ANO2: variants seen among roughly 807,000 people sequenced by gnomAD.
ANO2 encodes the protein anoctamin 2.
In ANO2, 101 loss-of-function variants were observed where a neutral mutation model predicts 124.2. The ratio of observed to expected loss-of-function variants is 0.81; its 90% CI spans 0.69 to 0.96. The LOEUF is 0.96. Ranked by LOEUF, ANO2 falls within the 40% of genes least tolerant of loss-of-function variation. The pLI is 0.00. For missense variants in ANO2, 1,293 were observed against 1,274.5 expected (o/e 1.01, Z -0.22); for synonymous variants, 486 against 482.5 (o/e 1.01, Z -0.09).
chr12:5,808,277 T>C (rs1165200920), intron 7 of ANO2, among the ~76,000 whole-genome samples: 1 of 152,238 alleles, frequency 6.6e-6, no homozygotes, highest in African/African-American at 2.4e-5. Flanking sequence ...AAATGTGAAA[T>C]GAACAAATGG....
At chr12:5,841,895 G>T in intron 4 of ANO2, among the ~76,000 whole-genome samples, 1 of 151,826 alleles carries the variant, frequency 6.6e-6, no homozygotes, top group Non-Finnish European at 1.5e-5. Flanking sequence ...TTTGAGACAA[G>T]ATCTCACTCT....
intron 1 of ANO2, among the ~76,000 whole-genome samples, chr12:5,933,461 G>A (rs1259211511): frequency 6.6e-6 from 1 of 152,220 alleles, no homozygotes; most frequent in Non-Finnish European, 1.5e-5. Context: ...GCTGTAGTGA[G>A]GATAAATGAG....
chr12:5,578,455 A>AG lies in ANO2; in HGVS notation c.2296dup (p.Leu766ProfsTer7), dbSNP rs777856058. On this transcript the variant is annotated frameshift_variant, in exon 21 of 25. Coordinates refer to ENST00000682330, the MANE Select transcript of ANO2 (RefSeq NM_001364791.2). LOFTEE classifies it high-confidence loss of function. ...CCGCACTTCAATGACGTTGTTGAGG[A>AG]GGGCAAACACAGGTGCCAGGGGAAA... The AG allele has an allele frequency of 1.1e-4, 184 of 1,613,854 alleles. No individual in the cohort carries two copies. The highest frequency in any genetic ancestry group is 1.4e-4 in the Non-Finnish European group (166 of 1,179,890).
chr12:5,796,297 G>A (rs968871688), intron 10 of ANO2, among the ~76,000 whole-genome samples: 8 of 143,674 alleles, frequency 5.6e-5, no homozygotes, highest in Admixed American at 4.2e-4. Context: ...TCATTCACAC[G>A]CTCATACACA....
intron 14 of ANO2, among the ~76,000 whole-genome samples, chr12:5,726,400 C>A (rs1485308738): frequency 6.6e-6 from 1 of 152,200 alleles, no homozygotes; most frequent in Non-Finnish European, 1.5e-5. Context: ...ACAGTCCTTT[C>A]TGCCTTTAGT....
At chr12:5,850,430 A>AAAAG (rs1565721318) in intron 4 of ANO2, among the ~76,000 whole-genome samples, 19 of 149,258 alleles carry the variant, frequency 1.3e-4, no homozygotes, top group African/African-American at 4.0e-4. Context: ...AAAAAAAAAA[A>AAAAG]AAAGAAAGAA....
intron 23 of ANO2, among the ~76,000 whole-genome samples, chr12:5,570,220 T>C (rs1942021083): frequency 6.6e-6 from 1 of 152,182 alleles, no homozygotes; most frequent in Admixed American, 6.5e-5. Context: ...ATATATTTCA[T>C]TATAAAACAA....
chr12:5,837,389 C>T (rs1954363003), intron 4 of ANO2, among the ~76,000 whole-genome samples: 2 of 125,106 alleles, frequency 1.6e-5, no homozygotes, highest in African/African-American at 6.1e-5. Context: ...GCGTTAGTTA[C>T]ATATGTATAC....
At chr12:5,708,989 T>C (rs978654665) in intron 14 of ANO2, among the ~76,000 whole-genome samples, 21 of 152,224 alleles carry the variant, frequency 1.4e-4, no homozygotes, top group Non-Finnish European at 2.5e-4. Flanking sequence ...TGAAAACATA[T>C]CTGTCTTATT....
At chr12:5,650,624 C>T (rs398270) in intron 14 of ANO2, among the ~76,000 whole-genome samples, 63,561 of 151,686 alleles carry the variant, frequency 0.42, 15,349 homozygotes, top group African/African-American at 0.65. Flanking sequence ...TCTCCATTCA[C>T]GGATACATTA....
At position 5,769,488 on chromosome 12, in the gene ANO2, C is replaced by T. The variant is rs192341462; in HGVS notation, c.1056-18518G>A. Among the ~76,000 whole-genome samples, 141 of 152,250 alleles carry T rather than the reference C, an allele frequency of 9.3e-4. No individual in the cohort carries two copies. Among genetic ancestry groups the T allele is most frequent in the East Asian group, 3.9e-4 (2 of 5,178 alleles). ...AAGTAAGGCATACAAGAGATGAGAG[C>T]TAGGAAAGTAAATTACAGCAAGAAA... is the stretch of plus-strand genomic sequence containing the variant. On this transcript the variant is annotated intron_variant, in intron 10 of 24. Transcript: ENST00000682330. The surrounding 1 kb of genome is among the most constrained non-coding windows in gnomAD (Gnocchi z 4.0).
At chr12:5,679,177 A>G (rs995032830) in intron 14 of ANO2, among the ~76,000 whole-genome samples, 3 of 152,234 alleles carry the variant, frequency 2.0e-5, no homozygotes, top group South Asian at 2.1e-4. Context: ...CCCAAACTAT[A>G]AAAACCCTAA....
chr12:5,923,144 G>C (rs36137693), intron 1 of ANO2, among the ~76,000 whole-genome samples: 5,087 of 40,928 alleles, frequency 0.12, 1,455 homozygotes, highest in Middle Eastern at 0.33. Context: ...ACACACACAT[G>C]CACACATACA....
intron 3 of ANO2, among the ~76,000 whole-genome samples, chr12:5,898,598 A>T (rs1235845464): frequency 5.9e-5 from 9 of 152,236 alleles, no homozygotes; most frequent in Admixed American, 5.2e-4. Flanking sequence ...TTAATCGCAC[A>T]CACTTAATGT....
chr12:5,749,206 T>C (rs1951366836), intron 11 of ANO2, among the ~76,000 whole-genome samples: 1 of 152,188 alleles, frequency 6.6e-6, no homozygotes, highest in Non-Finnish European at 1.5e-5. Context: ...GTTTCTGGTT[T>C]TTTCTTCAGA....
At chr12:5,867,154 C>A (rs1174450230) in intron 3 of ANO2, among the ~76,000 whole-genome samples, 1 of 152,232 alleles carries the variant, frequency 6.6e-6, no homozygotes, top group Non-Finnish European at 1.5e-5. Flanking sequence ...CACAAAGAGG[C>A]AGTGTAGACT....
chr12:5,565,485 C>A (rs1941691382), intron 24 of ANO2, 73 bp downstream of exon 24: 1 of 1,303,588 alleles, frequency 7.7e-7, no homozygotes, highest in Non-Finnish European at 1.1e-6. Context: ...GAGGTAGGTG[C>A]AAGCAATGAG....
At chr12:5,749,158 T>C (rs1031530535) in intron 11 of ANO2, among the ~76,000 whole-genome samples, 10 of 152,246 alleles carry the variant, frequency 6.6e-5, no homozygotes, top group African/African-American at 2.2e-4. Context: ...AGCAGGTTTC[T>C]GCCCACTGAT....
chr12:5,843,962 C>G (rs990558625), intron 4 of ANO2, among the ~76,000 whole-genome samples: 3 of 152,154 alleles, frequency 2.0e-5, no homozygotes, highest in Admixed American at 6.5e-5. Flanking sequence ...GAGTTAGGAC[C>G]TGAAGCAGCT....
Sources: gnomAD v4.1 joint callset for allele counts (sites outside exome capture counted in the v4.1 genomes callset) on GRCh38, gnomAD v4.1.1 for gene constraint, Gnocchi (gnomAD v3.1) non-coding constraint, MANE v1.5 for transcripts, NCBI Gene and HGNC (gene_info 2026-07-23, HGNC 2026-07-21) for gene names.